The following PIR variants were observed in gnomAD, a reference collection of about 807,000 sequenced individuals.
PIR encodes the protein pirin (iron-binding nuclear protein).
In PIR, 22 loss-of-function variants were observed where a neutral mutation model predicts 24.2. That is an observed-to-expected ratio of 0.91 (90% CI 0.65 to 1.30). PIR has a LOEUF of 1.30. Among genes scored for constraint, PIR ranks in the 50% most tolerant of loss-of-function variants. The pLI is 0.00. For missense variants in PIR, 220 were observed against 220.3 expected, an observed-to-expected ratio of 1.00 and a Z score of 0.01; for synonymous variants, 80 against 79.6, an observed-to-expected ratio of 1.00 and a Z score of -0.03.
At chrX:15,441,929 TAAGA>T (rs771891924) in intron 5 of PIR, among the ~76,000 whole-genome samples, 1 of 111,421 alleles carries the variant, frequency 9.0e-6, no homozygotes, top group South Asian at 3.8e-4. Context: ...ATTTTACTGG[TAAGA>T]AAGATGATAT....
At chrX:15,396,990 T>G (rs1216989401) in intron 8 of PIR, among the ~76,000 whole-genome samples, 1 of 112,164 alleles carries the variant, frequency 8.9e-6, no homozygotes, top group Non-Finnish European at 1.9e-5. Flanking sequence ...TCCGCCCGCC[T>G]CGGCCTCCCA....
intron 5 of PIR, among the ~76,000 whole-genome samples, chrX:15,434,378 AAAG>A (rs1282226695): frequency 1.7e-4 from 18 of 102,913 alleles, no homozygotes; most frequent in African/African-American, 6.1e-4. Context: ...GGAGGAGAAA[AAAG>A]AAGGAGGAGA....
chrX:15,428,036 T>A (rs1401387188), intron 5 of PIR, among the ~76,000 whole-genome samples: 3 of 111,767 alleles, frequency 2.7e-5, no homozygotes, highest in African/African-American at 9.8e-5. Flanking sequence ...CCTCTGAATG[T>A]CTCCAATTGA....
At chrX:15,445,553 CAA>C (rs1452504978) in intron 5 of PIR, among the ~76,000 whole-genome samples, 1 of 111,731 alleles carries the variant, frequency 9.0e-6, no homozygotes, top group Non-Finnish European at 1.9e-5. Flanking sequence ...AAAAATAAAA[CAA>C]AGAGAGCAAG....
At chrX:15,470,602 T>TTC (rs202105558) in intron 3 of PIR, among the ~76,000 whole-genome samples, 1 of 37,869 alleles carries the variant, frequency 2.6e-5, no homozygotes, top group African/African-American at 1.1e-4. Flanking sequence ...CTTTCTTTCT[T>TTC]TTTTTTTTTT....
chrX:15,407,240 T>C (rs1344644679), intron 7 of PIR, among the ~76,000 whole-genome samples: 1 of 111,863 alleles, frequency 8.9e-6, no homozygotes, highest in Non-Finnish European at 1.9e-5. Context: ...TAGCGAGGTA[T>C]CAAAACACAT....
At chrX:15,387,603 G>A (rs1390456189) in intron 9 of PIR, among the ~76,000 whole-genome samples, 2 of 111,495 alleles carry the variant, frequency 1.8e-5, no homozygotes, top group Non-Finnish European at 3.8e-5. Context: ...GTACCCTGGG[G>A]AAGACAACTT....
chrX:15,456,111 G>T lies in PIR; in HGVS notation c.274-57C>A, dbSNP rs1602279964. ...TAACCAAGCTCCTAATAAGTCTATA[G>T]GTGGAACAATTACAACACCATCACT... is the stretch of plus-strand genomic sequence containing the variant. On this transcript the variant is annotated intron_variant, in intron 4 of 9. Transcript: ENST00000380420. The T allele has an allele frequency of 4.0e-6, 4 of 993,540 alleles. No individual in the cohort carries two copies. The East Asian group carries it at 1.2e-4, about 30-fold the overall frequency. 81.9% of individuals were successfully genotyped at this position (993,540 alleles called of 1,213,427 possible). A position where few individuals can be genotyped will look rare whatever the true frequency, so the allele number is the denominator to read the frequency against.
chrX:15,472,161 T>C (rs1323199641), intron 3 of PIR, among the ~76,000 whole-genome samples: 4 of 112,267 alleles, frequency 3.6e-5, no homozygotes, highest in African/African-American at 1.3e-4. Flanking sequence ...TCTTTAAATA[T>C]CTGAATGGCT....
chrX:15,418,895 T>C (rs1925017113), intron 6 of PIR, among the ~76,000 whole-genome samples: 1 of 112,062 alleles, frequency 8.9e-6, no homozygotes, highest in African/African-American at 3.2e-5. Context: ...CAACATTAAA[T>C]TAGTTAGACT....
intron 4 of PIR, among the ~76,000 whole-genome samples, chrX:15,456,779 A>G (rs112272172): frequency 0.026 from 2,954 of 112,536 alleles, 107 homozygotes; most frequent in African/African-American, 0.088. Flanking sequence ...GTACTTGCTC[A>G]GTTCCAGTAA....
intron 5 of PIR, among the ~76,000 whole-genome samples, chrX:15,426,914 C>T (rs1051315782): frequency 1.6e-4 from 18 of 111,573 alleles, no homozygotes; most frequent in African/African-American, 5.9e-4. Flanking sequence ...CACCTAAAGA[C>T]AGGCACAAGT....
At chrX:15,473,356 A>G (rs1374839905) in intron 3 of PIR, among the ~76,000 whole-genome samples, 1 of 111,573 alleles carries the variant, frequency 9.0e-6, no homozygotes, top group East Asian at 2.8e-4. Flanking sequence ...TATGCATCCA[A>G]AAAGTCACTA....
chrX:15,384,874 T>C lies in PIR; in HGVS notation c.*130A>G. ...TACATTTATTGTTACAAAAACCATG[T>C]TATCACGTTAGTGTGGAATTCTTTA... On this transcript the variant is annotated 3_prime_UTR_variant, in exon 10 of 10. Transcript: ENST00000380420. 5.4e-6 allele frequency: 2 copies of C among 368,458 alleles called. No individual in the cohort carries two copies. The highest frequency in any genetic ancestry group is 9.6e-6 in the Non-Finnish European group (2 of 208,665). The allele number at this position is 368,458 out of a possible 1,213,427, so 30.4% of individuals were successfully genotyped here. A position where few individuals can be genotyped will look rare whatever the true frequency, so the allele number is the denominator to read the frequency against.
intron 5 of PIR, among the ~76,000 whole-genome samples, chrX:15,446,290 A>C (rs1302805554): frequency 9.0e-6 from 1 of 111,726 alleles, no homozygotes; most frequent in Non-Finnish European, 1.9e-5. Context: ...GCCTTCTTAA[A>C]GCATTGGTTT....
chrX:15,460,899 C>T (rs1042370147), intron 3 of PIR, among the ~76,000 whole-genome samples: 8 of 110,992 alleles, frequency 7.2e-5, no homozygotes, highest in Non-Finnish European at 1.1e-4. Context: ...GCTGTGAAGA[C>T]GTGTTTGCTT....
At chrX:15,416,384 T>A (rs1276656801) in intron 6 of PIR, among the ~76,000 whole-genome samples, 3 of 111,898 alleles carry the variant, frequency 2.7e-5, no homozygotes, top group Non-Finnish European at 3.8e-5. Flanking sequence ...AGAAAGACTA[T>A]GAAAAAACAG....
chrX:15,473,863 T>C (rs971851155), intron 3 of PIR, among the ~76,000 whole-genome samples: 1 of 112,836 alleles, frequency 8.9e-6, no homozygotes, highest in Non-Finnish European at 1.9e-5. Flanking sequence ...CCTCTGTTTT[T>C]TATTTTTTAA....
intron 3 of PIR, among the ~76,000 whole-genome samples, chrX:15,465,767 G>T (rs1431392930): frequency 1.8e-5 from 2 of 111,763 alleles, no homozygotes; most frequent in Non-Finnish European, 3.8e-5. Context: ...AGTGTCACTT[G>T]CCATGTGAAG....
Sources: gnomAD v4.1 joint callset for allele counts (sites outside exome capture counted in the v4.1 genomes callset) on GRCh38, gnomAD v4.1.1 for gene constraint, MANE v1.5 for transcripts, NCBI Gene and HGNC (gene_info 2026-07-23, HGNC 2026-07-21) for gene names.